The following BOD1L1 variants were observed in gnomAD, a reference collection of about 807,000 sequenced individuals.
BOD1L1 encodes biorientation of chromosomes in cell division protein 1-like 1.
Under a neutral mutation model 240.7 loss-of-function variants are expected in BOD1L1, and 86 were observed. The ratio of observed to expected loss-of-function variants is 0.36; its 90% CI spans 0.30 to 0.43. BOD1L1 has a LOEUF of 0.43. BOD1L1 is among the 20% of genes least tolerant of loss of function. BOD1L1 has a pLI of 1.00. For synonymous variants in BOD1L1, 1,268 were observed against 1,272.3 expected (o/e 1.00, Z 0.07); for missense variants, 3,554 against 3,643.5 (o/e 0.98, Z 0.63).
chr4:13,625,447 T>C (rs1717319176), intron 1 of BOD1L1: 1 of 152,244 alleles, frequency 6.6e-6, no homozygotes, highest in Non-Finnish European at 1.5e-5. Context: ...AATCCTTTAC[T>C]TTGAAGGGTC....
chr4:13,613,287 G>A lies in BOD1L1; in HGVS notation c.1324+225C>T, dbSNP rs1276400786. Among the ~76,000 whole-genome samples the A allele has an allele frequency of 6.6e-6, 1 of 151,968 alleles. No homozygotes were observed. The highest frequency in any genetic ancestry group is 1.5e-5 in the Non-Finnish European group (1 of 68,002). ...ATTTTAAATTAATAATAATACTAGG[G>A]GATAGAGTTAAGGAATGAAGAACCA... On this transcript the variant is annotated intron_variant, in intron 5 of 25. Coordinates refer to ENST00000040738, the MANE Select transcript of BOD1L1 (RefSeq NM_148894.3). This position sits in a 1 kb window ranked among gnomAD's most constrained non-coding sequence, Gnocchi z 4.0.
chr4:13,626,159 A>G (rs1304972851), intron 1 of BOD1L1: 4 of 152,332 alleles, frequency 2.6e-5, no homozygotes, highest in African/African-American at 9.6e-5. Flanking sequence ...TGTGTCTACT[A>G]AAAATACAAA....
At chr4:13,582,432 C>G (rs529906844) in intron 18 of BOD1L1, 122 bp from the exon 19 acceptor site, 2 of 785,888 alleles carry the variant, frequency 2.5e-6, no homozygotes, top group Non-Finnish European at 4.1e-6. Flanking sequence ...CATGTTTCTA[C>G]CATCAAAATT....
Position 13,599,790 on chromosome 4 carries a change from C to T in BOD1L1, c.7110G>A (p.Lys2370=), listed in dbSNP as rs777551482. Residue 2370 remains lysine (K), a synonymous_variant, in exon 10 of 26, where the codon AAG becomes AAA. Transcript: ENST00000040738. ...NGDLSATEVS[K]HKVPMPSLIA... Reference sequence around the variant, plus strand: ...TTAGGCTGGGCATGGGGACCTTGTGCTTGCTCACTTCTGTGGCTGACAGGT... The same window carrying T: ...TTAGGCTGGGCATGGGGACCTTGTGTTTGCTCACTTCTGTGGCTGACAGGT... 1.2e-6 allele frequency: 2 copies of T among 1,614,006 alleles called. No homozygotes were observed. Among genetic ancestry groups the T allele is most frequent in the East Asian group, 2.2e-5 (1 of 44,864 alleles).
In BOD1L1 at chr4:13,579,933, T is replaced by A; in HGVS notation, c.8744A>T (p.Gln2915Leu). 6.4e-7 allele frequency: 1 copy of A among 1,561,906 alleles called. No individual in the cohort carries two copies. Among genetic ancestry groups the A allele is most frequent in the Non-Finnish European group, 8.7e-7 (1 of 1,151,792 alleles). ...SPSSSKLKVM[Q>L]TDESNKETAN... ...GGAATGCGGTAGGTACATACCTGTT[T>A]GCATTACTTTCAGTTTGCTGCTAGA... The change falls in exon 22 of 26, where the codon CAA becomes CTA. Residue 2915 changes from glutamine (Q) to leucine (L), a missense_variant. Physicochemically the swap from Gln to Leu is moderately radical, Grantham distance 113. This residue lies in a region of BOD1L1 where 3,393 missense variants were observed against 3,427.1 expected (regional missense o/e 0.99). Transcript: ENST00000040738.
At position 13,626,632 on chromosome 4, in the gene BOD1L1, C is replaced by A. The variant is rs560186612; in HGVS notation, c.243+713G>T. Among the ~76,000 whole-genome samples the A allele has an allele frequency of 3.9e-5, 6 of 152,284 alleles. No homozygotes were observed. The East Asian group carries it at 5.8e-4, about 15-fold the overall frequency. On this transcript the variant is annotated intron_variant, in intron 1 of 25. Transcript: ENST00000040738. Reference sequence around the variant, plus strand: ...CCAGCCTCTCTTTCTGGACAGGGAACCTTGTTGCTGTCCTTTCCCTTCTCT... The same window carrying A: ...CCAGCCTCTCTTTCTGGACAGGGAAACTTGTTGCTGTCCTTTCCCTTCTCT...
At chr4:13,581,815 G>A (rs1230475378) in intron 19 of BOD1L1, among the ~76,000 whole-genome samples, 1 of 152,126 alleles carries the variant, frequency 6.6e-6, no homozygotes, top group Non-Finnish European at 1.5e-5. Flanking sequence ...TCATGAACTA[G>A]GTCCCCTCGA....
chr4:13,591,312 G>A lies in BOD1L1; in HGVS notation c.8148+611C>T, dbSNP rs148850280. On this transcript the variant is annotated intron_variant, in intron 13 of 25. Transcript: ENST00000040738. ...TGAGTTTCTAGCTACAAAACAGAGTGCTTGATGAGGAAGTACTCTGATCCC... is the reference window on the plus strand; with the variant it reads ...TGAGTTTCTAGCTACAAAACAGAGTACTTGATGAGGAAGTACTCTGATCCC... Among the ~76,000 whole-genome samples the A allele has an allele frequency of 2.3e-3, 352 of 152,220 alleles. 3 individuals carry two copies. The highest frequency in any genetic ancestry group is 3.0e-3 in the Admixed American group (46 of 15,286).
chr4:13,592,651 T>G (rs1714305692), intron 12 of BOD1L1: 1 of 152,178 alleles, frequency 6.6e-6, no homozygotes, highest in Admixed American at 6.5e-5. Context: ...TCTTTCCAAG[T>G]TTTGAATAGA....
At chr4:13,608,728 T>A in intron 7 of BOD1L1, 60 bp from the exon 8 acceptor site, 1 of 1,308,078 alleles carries the variant, frequency 7.6e-7, no homozygotes, top group Non-Finnish European at 9.9e-7. Flanking sequence ...AATGTAATAT[T>A]AATTTTTCAT....
intron 8 of BOD1L1, among the ~76,000 whole-genome samples, chr4:13,607,977 G>C (rs1715848672): frequency 2.6e-5 from 4 of 152,172 alleles, no homozygotes; most frequent in Admixed American, 2.6e-4. Context: ...TGATGGAATA[G>C]CAAAATTGCA....
intron 13 of BOD1L1, 100 bp from the exon 14 acceptor site, chr4:13,590,546 T>C (rs1714118333): frequency 7.4e-6 from 4 of 541,884 alleles, no homozygotes; most frequent in Non-Finnish European, 1.3e-5. Context: ...TGGCTATTTG[T>C]ACAAATGCCA....
In BOD1L1 at chr4:13,601,809, T is replaced by C. The variant is rs1171242303; in HGVS notation, c.5091A>G (p.Ile1697Met). 1.2e-6 allele frequency: 2 copies of C among 1,613,908 alleles called. No individual in the cohort carries two copies. Among genetic ancestry groups the C allele is most frequent in the Non-Finnish European group, 1.7e-6 (2 of 1,179,886 alleles). ...CTTCACTGCTTATAGATCCTGCTCT[T>C]ATCTCTGTTCCAGCACTTGTAACTG... ...DGAVTSAGTEIRAGSISSEEV... is the reference protein window; with the variant it reads ...DGAVTSAGTEMRAGSISSEEV... The change falls in exon 10 of 26, where the codon ATA (isoleucine) becomes ATG (methionine). Residue 1697 changes from isoleucine to methionine, a missense_variant. Coordinates refer to ENST00000040738, the MANE Select transcript of BOD1L1 (RefSeq NM_148894.3).
rs370421416 is a variant in BOD1L1, at chr4:13,615,349, G to A, written c.522C>T (p.Pro174=). 6.8e-6 allele frequency: 11 copies of A among 1,612,654 alleles called. No homozygotes were observed. Among genetic ancestry groups the A allele is most frequent in the South Asian group, 3.3e-5 (3 of 90,916 alleles). ...HKEEGSGNTA[P]DDEKPDTSLI... ...GGGAAGTGTCTGGTTTCTCATCATCGGGAGCTGTGTTGCCACTTCCTTCCT... is the reference window on the plus strand; with the variant it reads ...GGGAAGTGTCTGGTTTCTCATCATCAGGAGCTGTGTTGCCACTTCCTTCCT... Residue 174 remains proline (P), a synonymous_variant, in exon 3 of 26, where the codon CCC becomes CCT. Transcript: ENST00000040738.
chr4:13,602,548 T>C lies in BOD1L1; in HGVS notation c.4352A>G (p.Tyr1451Cys), dbSNP rs543654811. The change falls in exon 10 of 26, where the codon TAT becomes TGT. Residue 1451 changes from tyrosine to cysteine, a missense_variant. Physicochemically the swap from Tyr to Cys is radical, Grantham distance 194. This residue lies in a region of BOD1L1 where 3,393 missense variants were observed against 3,427.1 expected (regional missense o/e 0.99). Transcript: ENST00000040738. ...DHVVGLNTEK[Y>C]AETVKLKHKR... is the part of the protein sequence containing the mutation. ...ATGCTTAAGTTTGACAGTTTCAGCA[T>C]ATTTTTCTGTATTCAGGCCTACAAC... 5 of 1,614,066 alleles carry C rather than the reference T, an allele frequency of 3.1e-6. No individual in the cohort carries two copies. The African/African-American group carries it at 5.3e-5, about 17-fold the overall frequency.
At position 13,600,477 on chromosome 4, in the gene BOD1L1, A is replaced by C; in HGVS notation, c.6423T>G (p.Cys2141Trp). ...CCCCTATGCTTGTGGAAATCATGGC[A>C]CACTCATCTTTCTCTTCACTTCTGC... ...TASRSEEKDE[C>W]AMISTSIGEE... The change falls in exon 10 of 26, where the codon TGT (cysteine) becomes TGG (tryptophan). Residue 2141 changes from cysteine (C) to tryptophan (W), a missense_variant. Around this residue, in one of 2 missense-constraint regions of BOD1L1, gnomAD observed 3,393 missense variants for 3,427.1 expected, o/e 0.99. Coordinates refer to ENST00000040738, the MANE Select transcript of BOD1L1 (RefSeq NM_148894.3). 1.9e-6 allele frequency: 3 copies of C among 1,613,918 alleles called. No individual in the cohort carries two copies. Among genetic ancestry groups the C allele is most frequent in the Non-Finnish European group, 1.7e-6 (2 of 1,179,896 alleles).
In BOD1L1 at chr4:13,599,389, T is replaced by C. The variant is rs771232362; in HGVS notation, c.7511A>G (p.His2504Arg). 1.5e-5 allele frequency: 25 copies of C among 1,614,008 alleles called. No homozygotes were observed. In the East Asian group the frequency reaches 5.6e-4, roughly 36 times the overall value. ...GLEGNANSPA[H>R]LRGPEQTSGQ... ...AGACGTCTGTTCTGGTCCTCTCAGG[T>C]GGGCAGGTGAGTTAGCATTCCCCTC... is the stretch of plus-strand genomic sequence containing the variant. Residue 2504 changes from histidine to arginine, a missense_variant, in exon 10 of 26, where the codon CAC becomes CGC. His to Arg is a conservative substitution (Grantham distance 29). This residue lies in a region of BOD1L1 where 3,393 missense variants were observed against 3,427.1 expected (regional missense o/e 0.99). Coordinates refer to ENST00000040738, the MANE Select transcript of BOD1L1 (RefSeq NM_148894.3).
In BOD1L1 at chr4:13,586,468, A is replaced by C. The variant is rs1713700947; in HGVS notation, c.8361T>G (p.Asn2787Lys). The change falls in exon 17 of 26, where the codon AAT becomes AAG. Residue 2787 changes from asparagine to lysine, a missense_variant. By Grantham distance (94) the Asn-to-Lys change is moderately conservative. This residue lies in a region of BOD1L1 where 3,393 missense variants were observed against 3,427.1 expected (regional missense o/e 0.99). Coordinates refer to ENST00000040738, the MANE Select transcript of BOD1L1 (RefSeq NM_148894.3). ...CTATTCTGGAATCCAGGACATCTGG[A>C]TTATCATCTGTAAATCAGTTTAGAC... The part of the protein sequence containing the change: ...YLSSEDEPDD[N>K]PDVLDSRIET... 13 of 1,606,404 alleles carry C rather than the reference A, an allele frequency of 8.1e-6. 1 individual carries two copies. Among genetic ancestry groups the C allele is most frequent in the Non-Finnish European group, 1.0e-5 (12 of 1,174,262 alleles).
intron 2 of BOD1L1, among the ~76,000 whole-genome samples, chr4:13,619,311 A>AAC (rs1456804053): frequency 6.6e-6 from 1 of 150,968 alleles, no homozygotes; most frequent in African/African-American, 2.4e-5. Context: ...TCTTTAAAAA[A>AAC]AAAAAAAAAA....
Sources: allele counts gnomAD v4.1 joint callset (sites outside exome capture counted in the v4.1 genomes callset), GRCh38; gene constraint gnomAD v4.1.1; regional missense constraint gnomAD v4.1.1; non-coding constraint Gnocchi (gnomAD v3.1); transcripts MANE v1.5; gene names NCBI Gene and HGNC (gene_info 2026-07-23, HGNC 2026-07-21).